The following MIPOL1 variants were observed in gnomAD, a reference collection of about 807,000 sequenced individuals.
MIPOL1 encodes mirror-image polydactyly gene 1 protein.
Under a neutral mutation model 60.9 loss-of-function variants are expected in MIPOL1, and 57 were observed. The ratio of observed to expected loss-of-function variants is 0.94; its 90% CI spans 0.76 to 1.17. The LOEUF is 1.17. MIPOL1 is among the 50% of genes most tolerant of loss of function. The pLI, the probability that MIPOL1 is intolerant of heterozygous loss-of-function variation, is 0.00. For missense variants in MIPOL1, 551 were observed against 511.6 expected, an observed-to-expected ratio of 1.08 and a Z score of -0.74; for synonymous variants, 179 against 168.8, an observed-to-expected ratio of 1.06 and a Z score of -0.47.
At chr14:37,247,320 AAG>A (rs1301430479) in intron 2 of MIPOL1, 80 bp downstream of exon 2, 1 of 152,502 alleles carries the variant, frequency 6.6e-6, no homozygotes, top group African/African-American at 2.4e-5. Context: ...AAAAACAAAT[AAG>A]AGAGAGGAGT....
chr14:37,413,719 G>A (rs1179764690), intron 10 of MIPOL1, among the ~76,000 whole-genome samples: 1 of 152,140 alleles, frequency 6.6e-6, no homozygotes, highest in African/African-American at 2.4e-5. Context: ...TTACATGTGG[G>A]CATGAGACCA....
At position 37,270,532 on chromosome 14, in the gene MIPOL1, T is replaced by C; in HGVS notation, c.493+7T>C. The stretch of plus-strand genomic sequence containing the variant: ...ATTGCTGAAAAGACAGCAGGTATAG[T>C]AGAGGAGTATTAACACATGGCTTGA... On this transcript the variant is annotated splice_region_variant and intron_variant, in intron 6 of 12. Coordinates refer to ENST00000684589, the MANE Select transcript of MIPOL1 (RefSeq NM_001388067.1). The C allele has an allele frequency of 6.7e-7, 1 of 1,491,638 alleles. No homozygotes were observed. The highest frequency in any genetic ancestry group is 9.2e-7 in the Non-Finnish European group (1 of 1,085,732). 92.4% of individuals were successfully genotyped at this position (1,491,638 alleles called of 1,614,324 possible).
intron 11 of MIPOL1, among the ~76,000 whole-genome samples, chr14:37,452,173 T>C (rs962494713): frequency 1.3e-5 from 2 of 152,128 alleles, no homozygotes; most frequent in Admixed American, 6.6e-5. Flanking sequence ...AAGAAAGAGA[T>C]ATGGCTACTA....
At position 37,393,404 on chromosome 14, in the gene MIPOL1, T is replaced by TTGTGTGTGTGTGTG. The variant is rs66937049; in HGVS notation, c.936+23789_936+23802dup. Among the ~76,000 whole-genome samples, 3 of 117,994 alleles carry TTGTGTGTGTGTGTG rather than the reference T, an allele frequency of 2.5e-5. 1 individual carries two copies. The highest frequency in any genetic ancestry group is 9.8e-5 in the African/African-American group (3 of 30,714). 77.4% of individuals were successfully genotyped at this position (117,994 alleles called of 152,430 possible). On this transcript the variant is annotated intron_variant, in intron 10 of 12. Coordinates refer to ENST00000684589, the MANE Select transcript of MIPOL1 (RefSeq NM_001388067.1). ...GGTTTTGTTTTGTTTTGTTTTGTTT[T>TTGTGTGTGTGTGTG]TGTGTGTGTGTGTGTGTGTGTGGCG... is the stretch of plus-strand genomic sequence containing the variant.
intron 6 of MIPOL1, among the ~76,000 whole-genome samples, chr14:37,273,510 G>T (rs958126675): frequency 2.0e-5 from 3 of 150,728 alleles, no homozygotes; most frequent in Admixed American, 6.6e-5. Context: ...TAGTCTTTCA[G>T]CTTTTCCTTG....
At chr14:37,407,884 C>T in intron 10 of MIPOL1, among the ~76,000 whole-genome samples, 1 of 108,046 alleles carries the variant, frequency 9.3e-6, no homozygotes. Flanking sequence ...AGGTCTCACT[C>T]TGTCACTCAG....
chr14:37,489,185 G>A (rs548631682), intron 11 of MIPOL1, among the ~76,000 whole-genome samples: 10 of 151,956 alleles, frequency 6.6e-5, no homozygotes, highest in East Asian at 1.9e-4. Context: ...TAATCTTGTC[G>A]TCACACTTTA....
At chr14:37,387,668 C>T (rs982350978) in intron 10 of MIPOL1, among the ~76,000 whole-genome samples, 14 of 152,002 alleles carry the variant, frequency 9.2e-5, no homozygotes, top group Non-Finnish European at 2.1e-4. Context: ...TTAAGATTCT[C>T]TAACAAAAAT....
At chr14:37,255,758 G>A (rs973960807) in intron 3 of MIPOL1, among the ~76,000 whole-genome samples, 2 of 151,714 alleles carry the variant, frequency 1.3e-5, no homozygotes, top group African/African-American at 4.8e-5. Context: ...TGTAGCTTTT[G>A]GATGAAATTG....
chr14:37,524,554 TTTTTCTTTTTC>T (rs1300788877), intron 12 of MIPOL1, among the ~76,000 whole-genome samples: 2 of 67,694 alleles, frequency 3.0e-5, no homozygotes, highest in African/African-American at 1.8e-4. Flanking sequence ...GACATCTTAA[TTTTTCTTTTTC>T]TTTTCTTTTT....
At chr14:37,344,493 T>A (rs540087099) in intron 9 of MIPOL1, among the ~76,000 whole-genome samples, 1 of 152,186 alleles carries the variant, frequency 6.6e-6, no homozygotes, top group South Asian at 2.1e-4. Context: ...GATTTAGATT[T>A]GTTTTTATTA....
chr14:37,393,868 T>C (rs955280170), intron 10 of MIPOL1, among the ~76,000 whole-genome samples: 1 of 149,994 alleles, frequency 6.7e-6, no homozygotes, highest in Non-Finnish European at 1.5e-5. Context: ...TCCTCCCAAG[T>C]CCCCAAAGTC....
At chr14:37,413,209 TA>T (rs2093707658) in intron 10 of MIPOL1, among the ~76,000 whole-genome samples, 2 of 152,066 alleles carry the variant, frequency 1.3e-5, no homozygotes, top group African/African-American at 4.8e-5. Context: ...GCTCATAGTT[TA>T]AAAAGGAATA....
chr14:37,242,941 T>G (rs1972586734), intron 1 of MIPOL1, among the ~76,000 whole-genome samples: 1 of 152,068 alleles, frequency 6.6e-6, no homozygotes, highest in Non-Finnish European at 1.5e-5. Flanking sequence ...GGCTTAGAGA[T>G]CTAGAAGAGA....
intron 10 of MIPOL1, among the ~76,000 whole-genome samples, chr14:37,406,313 C>G (rs2093586401): frequency 6.6e-6 from 1 of 151,996 alleles, no homozygotes; most frequent in Non-Finnish European, 1.5e-5. Flanking sequence ...AAATTTTTTG[C>G]TGGCAAGACA....
chr14:37,529,555 T>A (rs185796677), intron 12 of MIPOL1, among the ~76,000 whole-genome samples: 6 of 152,306 alleles, frequency 3.9e-5, no homozygotes, highest in Admixed American at 1.3e-4. Context: ...TAGTAATATA[T>A]TGCCATAATT....
intron 10 of MIPOL1, among the ~76,000 whole-genome samples, chr14:37,392,964 G>A (rs2093284791): frequency 6.6e-6 from 1 of 152,062 alleles, no homozygotes. Context: ...CTTCATAAAT[G>A]TAATTGAGTT....
At chr14:37,509,733 G>T (rs2095310860) in intron 12 of MIPOL1, among the ~76,000 whole-genome samples, 2 of 150,684 alleles carry the variant, frequency 1.3e-5, no homozygotes, top group Admixed American at 1.3e-4. Context: ...ATACACATGT[G>T]TATCACATGC....
intron 10 of MIPOL1, among the ~76,000 whole-genome samples, chr14:37,388,338 G>A (rs867607478): frequency 2.6e-5 from 4 of 151,916 alleles, no homozygotes; most frequent in African/African-American, 9.7e-5. Context: ...TAAAATGAAT[G>A]TATTTGTATT....
Sources: gnomAD v4.1 joint callset for allele counts (sites outside exome capture counted in the v4.1 genomes callset) on GRCh38, gnomAD v4.1.1 for gene constraint, MANE v1.5 for transcripts, NCBI Gene and HGNC (gene_info 2026-07-23, HGNC 2026-07-21) for gene names.